Variants in FMNL2 observed in about 807,000 individuals in gnomAD.
The protein encoded by FMNL2 is formin-like protein 2.
In FMNL2, 51 loss-of-function variants were observed where a neutral mutation model predicts 130.2. That is an observed-to-expected ratio of 0.39 (90% confidence interval 0.31 to 0.49). The LOEUF (loss-of-function observed/expected upper bound fraction) is 0.49, where lower values mean the gene tolerates loss of function less well. Among genes scored for constraint, FMNL2 ranks in the 20% least tolerant of loss-of-function variants. The probability of loss-of-function intolerance (pLI) is 0.85; values close to 1 mark genes in which losing one functional copy is unlikely to be tolerated. For synonymous variants in FMNL2, 465 were observed against 467.1 expected (o/e 1.00, Z 0.06); for missense variants, 977 against 1,316.2 (o/e 0.74, Z 3.99).
chr2:152,575,386 C>A, intron 7 of FMNL2, 142 bp downstream of exon 7: 1 of 471,340 alleles, frequency 2.1e-6, no homozygotes, highest in Non-Finnish European at 3.6e-6. Context: ...TCTGTGTTAC[C>A]AAAAGCTGCT....
At chr2:152,402,673 TA>T (rs1558832559) in intron 1 of FMNL2, among the ~76,000 whole-genome samples, 1 of 152,194 alleles carries the variant, frequency 6.6e-6, no homozygotes, top group Admixed American at 6.5e-5. Context: ...TTTGACTTTT[TA>T]AAAAATAAAC....
At position 152,466,190 on chromosome 2, in the gene FMNL2, G is replaced by A. The variant is rs1445886905; in HGVS notation, c.118-55753G>A. 2.0e-5 allele frequency among the ~76,000 whole-genome samples: 3 copies of A among 152,294 alleles called. No individual in the cohort carries two copies. In the South Asian group the frequency reaches 6.2e-4, roughly 32 times the overall value. ...TGCAGCACTTTATAGTGTGAGGACT[G>A]TCTGAACCCTGTCACTTGGCGCCTC... On this transcript the variant is annotated intron_variant, in intron 1 of 25. Transcript: ENST00000288670.
At chr2:152,472,923 C>T (rs143295789) in intron 1 of FMNL2, among the ~76,000 whole-genome samples, 16 of 152,292 alleles carry the variant, frequency 1.1e-4, no homozygotes, top group African/African-American at 3.1e-4. Context: ...TTAAGGAACT[C>T]GTGAATACAA....
chr2:152,356,110 A>G (rs1465464695), intron 1 of FMNL2, among the ~76,000 whole-genome samples: 1 of 152,168 alleles, frequency 6.6e-6, no homozygotes, highest in African/African-American at 2.4e-5. Context: ...ATTTATGTTG[A>G]TGCATGTGGC....
Position 152,619,552 on chromosome 2 carries a change from G to GCCCCCCCCCCC in FMNL2, c.1676_1677insCCCCCCCCCCC (p.Pro563LeufsTer29), listed in dbSNP as rs1553488328. 7 of 1,417,842 alleles carry GCCCCCCCCCCC rather than the reference G, an allele frequency of 4.9e-6. No individual in the cohort carries two copies. The highest frequency in any genetic ancestry group is 3.8e-5 in the South Asian group (3 of 79,042). The allele number at this position is 1,417,842 out of a possible 1,614,324, so 87.8% of individuals were successfully genotyped here. A position where few individuals can be genotyped will look rare whatever the true frequency, so the allele number is the denominator to read the frequency against. On this transcript the variant is annotated frameshift_variant, in exon 15 of 26. Transcript: ENST00000288670. LOFTEE classifies it high-confidence loss of function. ...CACCACCTATGCCACCGCCGCCGCC[G>GCCCCCCCCCCC]CCCCCTCCTCCACCTCCTCCTCCCC...
At chr2:152,597,353 A>G (rs948487112) in intron 9 of FMNL2, among the ~76,000 whole-genome samples, 2 of 152,242 alleles carry the variant, frequency 1.3e-5, no homozygotes, top group African/African-American at 4.8e-5. Context: ...TGCAACTGAA[A>G]TAATCACAGA....
chr2:152,595,043 G>A (rs1398593998), intron 9 of FMNL2, among the ~76,000 whole-genome samples: 2 of 152,136 alleles, frequency 1.3e-5, no homozygotes, highest in Admixed American at 1.3e-4. Flanking sequence ...TTTAGGCTCT[G>A]TGTTGTTTTG....
At chr2:152,415,481 A>T (rs1686559405) in intron 1 of FMNL2, among the ~76,000 whole-genome samples, 1 of 152,128 alleles carries the variant, frequency 6.6e-6, no homozygotes, top group African/African-American at 2.4e-5. Context: ...GAAAACGGTG[A>T]CTCACTCTAC....
chr2:152,374,644 G>A lies in FMNL2; in HGVS notation c.117+38924G>A, dbSNP rs145451360. On this transcript the variant is annotated intron_variant, in intron 1 of 25. Coordinates refer to ENST00000288670, the MANE Select transcript of FMNL2 (RefSeq NM_052905.4). ...AAAACTAGAGACATAGACCAGCTGG[G>A]AGGTACTATGAGAAACTGCTTTACA... 3.0e-3 allele frequency among the ~76,000 whole-genome samples: 463 copies of A among 152,290 alleles called. 3 individuals carry two copies. Among genetic ancestry groups the A allele is most frequent in the African/African-American group, 0.011 (445 of 41,568 alleles).
chr2:152,565,936 C>A (rs570984121), intron 6 of FMNL2, among the ~76,000 whole-genome samples: 1 of 152,070 alleles, frequency 6.6e-6, no homozygotes, highest in Admixed American at 6.6e-5. Context: ...TGTGCCACCA[C>A]GCCTGCCTAA....
chr2:152,557,410 G>A (rs912455675), intron 4 of FMNL2, among the ~76,000 whole-genome samples: 1 of 152,184 alleles, frequency 6.6e-6, no homozygotes, highest in Non-Finnish European at 1.5e-5. Flanking sequence ...AGGTTTTGCA[G>A]TTGCCTCTCT....
intron 1 of FMNL2, among the ~76,000 whole-genome samples, chr2:152,384,816 C>T (rs1362069661): frequency 6.6e-6 from 1 of 152,162 alleles, no homozygotes; most frequent in Non-Finnish European, 1.5e-5. Flanking sequence ...TTTCTAAAAT[C>T]TTTTTCAAAC....
chr2:152,593,007 C>T (rs1263394881), intron 9 of FMNL2, among the ~76,000 whole-genome samples: 1 of 152,164 alleles, frequency 6.6e-6, no homozygotes, highest in Non-Finnish European at 1.5e-5. Flanking sequence ...GTGGGTAGGT[C>T]CTGAGCAGGG....
intron 20 of FMNL2, among the ~76,000 whole-genome samples, chr2:152,631,527 G>A (rs1277317135): frequency 3.9e-5 from 6 of 152,172 alleles, no homozygotes; most frequent in African/African-American, 1.4e-4. Context: ...TGATTACAGC[G>A]TGGATCCACT....
chr2:152,517,957 G>C (rs1180645233), intron 1 of FMNL2, among the ~76,000 whole-genome samples: 1 of 152,186 alleles, frequency 6.6e-6, no homozygotes, highest in Non-Finnish European at 1.5e-5. Flanking sequence ...ACCGTGTTAG[G>C]AAGACTCGGA....
chr2:152,363,524 G>A (rs543158215), intron 1 of FMNL2, among the ~76,000 whole-genome samples: 66 of 151,690 alleles, frequency 4.4e-4, no homozygotes, highest in African/African-American at 1.5e-3. Flanking sequence ...TCGGATTTTG[G>A]TATCTTCAGT....
At chr2:152,497,819 C>CA (rs1198389375) in intron 1 of FMNL2, among the ~76,000 whole-genome samples, 2 of 152,290 alleles carry the variant, frequency 1.3e-5, no homozygotes, top group East Asian at 3.9e-4. Context: ...TGCTCAGACT[C>CA]ACCAGGCTGA....
chr2:152,424,550 G>A (rs904234205), intron 1 of FMNL2, among the ~76,000 whole-genome samples: 9 of 151,914 alleles, frequency 5.9e-5, no homozygotes, highest in East Asian at 5.8e-4. Flanking sequence ...GCCACCATGC[G>A]CGGCTAATTT....
intron 1 of FMNL2, among the ~76,000 whole-genome samples, chr2:152,337,051 G>A (rs1487672086): frequency 6.6e-6 from 1 of 152,194 alleles, no homozygotes; most frequent in African/African-American, 2.4e-5. Context: ...CTGGATGGCA[G>A]GTTAGCTGTG....
Sources: gnomAD v4.1 joint callset for allele counts (sites outside exome capture counted in the v4.1 genomes callset) on GRCh38, gnomAD v4.1.1 for gene constraint, MANE v1.5 for transcripts, NCBI Gene and HGNC (gene_info 2026-07-23, HGNC 2026-07-21) for gene names.